NPAT: variants seen among roughly 807,000 people sequenced by gnomAD.
NPAT encodes the protein nuclear protein, coactivator of histone transcription.
A neutral mutation model predicts 130.7 loss-of-function variants in NPAT; 52 were observed. The ratio of observed to expected loss-of-function variants is 0.40; its 90% CI spans 0.32 to 0.50. The LOEUF (loss-of-function observed/expected upper bound fraction) is 0.50. Among genes scored for constraint, NPAT ranks in the 20% least tolerant of loss-of-function variants. The pLI is 0.68. For synonymous variants in NPAT, 580 were observed against 584.8 expected, an observed-to-expected ratio of 0.99 and a Z score of 0.12; for missense variants, 1,687 against 1,662.6, an observed-to-expected ratio of 1.01 and a Z score of -0.26.
At position 108,173,303 on chromosome 11, in the gene NPAT, T is replaced by A; in HGVS notation, c.1681A>T (p.Lys561Ter). The part of the protein sequence containing the change: ...CENSNDTVKL[K>*]INFHGSKSSD... ...GACTTGGAACCATGAAAATTAATTT[T>A]AAGTTTTACTGTATCATTAGAATTT... The change falls in exon 13 of 18, where the codon AAA becomes TAA. Residue 561 changes from lysine to a stop codon, truncating the protein, a stop_gained. Transcript: ENST00000278612. LOFTEE classifies it high-confidence loss of function. 1 of 1,611,780 alleles carries A rather than the reference T, an allele frequency of 6.2e-7. No homozygotes were observed. Among genetic ancestry groups the A allele is most frequent in the Non-Finnish European group, 8.5e-7 (1 of 1,178,462 alleles).
At chr11:108,189,392 A>G (rs2078141473) in intron 5 of NPAT, 62 bp from the exon 6 acceptor site, 2 of 1,411,364 alleles carry the variant, frequency 1.4e-6, no homozygotes, top group Non-Finnish European at 2.0e-6. Flanking sequence ...AATTGTAAGA[A>G]GTCAATATGA....
chr11:108,162,668 G>C (rs1012413844), intron 15 of NPAT, among the ~76,000 whole-genome samples: 6 of 152,220 alleles, frequency 3.9e-5, no homozygotes, highest in African/African-American at 1.4e-4. Context: ...CTGGCCTCAA[G>C]TGATCTGCCC....
chr11:108,200,375 A>G (rs2078263860), intron 1 of NPAT, among the ~76,000 whole-genome samples: 1 of 152,126 alleles, frequency 6.6e-6, no homozygotes, highest in South Asian at 2.1e-4. Context: ...TTGTTTACCC[A>G]TGCCTTTTAA....
chr11:108,158,963 T>A lies in NPAT; in HGVS notation c.4263A>T (p.Leu1421Phe). 1 of 1,605,600 alleles carries A rather than the reference T, an allele frequency of 6.2e-7. No homozygotes were observed. Among genetic ancestry groups the A allele is most frequent in the South Asian group, 1.1e-5 (1 of 90,952 alleles). Residue 1421 changes from leucine (L) to phenylalanine (F), a missense_variant, in exon 18 of 18, where the codon TTA becomes TTT. Around this residue, in one of 3 missense-constraint regions of NPAT, gnomAD observed 1,379 missense variants for 1,346.6 expected, o/e 1.02. Transcript: ENST00000278612. Reference protein sequence around the residue: ...PAGMDVDKFLLSLHYDE With the variant: ...PAGMDVDKFLFSLHYDE ...ATGTTTACTCATCATAATGCAATGA[T>A]AACAAAAATTTGTCTACATCCATTC...
chr11:108,181,486 AACTT>A (rs991219277), intron 10 of NPAT, among the ~76,000 whole-genome samples: 10 of 152,286 alleles, frequency 6.6e-5, no homozygotes, highest in Middle Eastern at 3.4e-3. Flanking sequence ...AAACAAAAAA[AACTT>A]ACAGCTATCT....
intron 17 of NPAT, among the ~76,000 whole-genome samples, chr11:108,160,237 C>T (rs1004357756): frequency 6.6e-6 from 1 of 151,938 alleles, no homozygotes; most frequent in South Asian, 2.1e-4. Context: ...GTAGGAGAAT[C>T]ACTTCAGCCT....
intron 15 of NPAT, among the ~76,000 whole-genome samples, chr11:108,168,149 A>G (rs2077917486): frequency 1.3e-5 from 2 of 151,890 alleles, no homozygotes; most frequent in East Asian, 1.9e-4. Flanking sequence ...TCTGGGTCAT[A>G]GAGAAGATAT....
At chr11:108,186,599 A>C in intron 7 of NPAT, 30 bp from the exon 8 acceptor site, 1 of 1,542,404 alleles carries the variant, frequency 6.5e-7, no homozygotes, top group Non-Finnish European at 9.0e-7. Flanking sequence ...CTTTTCTTTT[A>C]ACCACTATAT....
At chr11:108,176,082 C>A (rs1413373437) in intron 12 of NPAT, among the ~76,000 whole-genome samples, 164 bp downstream of exon 12, 2 of 152,172 alleles carry the variant, frequency 1.3e-5, no homozygotes, top group Non-Finnish European at 2.9e-5. Context: ...TTCTTTTAAT[C>A]AAACTACCAA....
chr11:108,173,094 A>T lies in NPAT; in HGVS notation c.1890T>A (p.Ser630=), dbSNP rs1407461974. 6.2e-7 allele frequency: 1 copy of T among 1,614,116 alleles called. No homozygotes were observed. Among genetic ancestry groups the T allele is most frequent in the East Asian group, 2.2e-5 (1 of 44,876 alleles). Residue 630 remains serine (S), a synonymous_variant, in exon 13 of 18, where the codon TCT becomes TCA. Coordinates refer to ENST00000278612, the MANE Select transcript of NPAT (RefSeq NM_002519.3). The stretch of plus-strand genomic sequence containing the variant: ...AATCATTAGATGGTTGTTTAGTAGA[A>T]GACAGCGAATCTCCAAGATGAATTT... ...QVEIHLGDSL[S]STKQPSNDSA...
At chr11:108,169,046 T>C (rs758970447) in intron 15 of NPAT, among the ~76,000 whole-genome samples, 1 of 152,120 alleles carries the variant, frequency 6.6e-6, no homozygotes, top group African/African-American at 2.4e-5. Context: ...CCAGCAGATA[T>C]GAGGTGAACT....
rs199936135 is a variant in NPAT, at chr11:108,162,148, C to T, written c.3043G>A (p.Gly1015Ser). The change falls in exon 16 of 18, where the codon GGT (glycine) becomes AGT (serine). Residue 1015 changes from glycine to serine, a missense_variant. Coordinates refer to ENST00000278612, the MANE Select transcript of NPAT (RefSeq NM_002519.3). ...TGTGCATGACATCCAACTGAATGAC[C>T]TGACGAATCCACCAAATTATTTACT... ...KQVNNLVDSS[G>S]HSVGCHAQKT... 1.0e-3 allele frequency: 1,673 copies of T among 1,613,998 alleles called. No individual in the cohort carries two copies. Among genetic ancestry groups the T allele is most frequent in the Non-Finnish European group, 1.3e-3 (1,551 of 1,179,898 alleles).
chr11:108,216,838 G>C (rs1188915871), intron 1 of NPAT, among the ~76,000 whole-genome samples: 1 of 152,076 alleles, frequency 6.6e-6, no homozygotes, highest in Non-Finnish European at 1.5e-5. Flanking sequence ...CCCAACTTTG[G>C]CAATCTTGAG....
Position 108,161,504 on chromosome 11 carries a change from A to T in NPAT, c.3582T>A (p.Gly1194=). ...AAGCTATAGATTTCTCACTTCGCAA[A>T]CCCCCATTTTGCTGCCCAATAGATA... ...SKLSIGQQNG[G]LRSEKSIASL... Residue 1194 remains glycine (G), a synonymous_variant, in exon 17 of 18, where the codon GGT becomes GGA. Coordinates refer to ENST00000278612, the MANE Select transcript of NPAT (RefSeq NM_002519.3). 2 of 1,613,880 alleles carry T rather than the reference A, an allele frequency of 1.2e-6. No individual in the cohort carries two copies. Among genetic ancestry groups the T allele is most frequent in the Non-Finnish European group, 1.7e-6 (2 of 1,179,956 alleles).
At chr11:108,220,386 T>C (rs886111258) in intron 1 of NPAT, among the ~76,000 whole-genome samples, 4 of 152,166 alleles carry the variant, frequency 2.6e-5, no homozygotes, top group African/African-American at 9.7e-5. Context: ...TTAATGGGTG[T>C]CTAATGTCTA....
chr11:108,189,041 G>A, intron 6 of NPAT, 65 bp downstream of exon 6: 1 of 1,248,810 alleles, frequency 8.0e-7, no homozygotes, highest in South Asian at 1.2e-5. Context: ...AAAGACATTA[G>A]TATATTATCT....
At chr11:108,188,936 A>G (rs1189981000) in intron 6 of NPAT, among the ~76,000 whole-genome samples, 170 bp downstream of exon 6, 1 of 152,240 alleles carries the variant, frequency 6.6e-6, no homozygotes, top group Admixed American at 6.5e-5. Flanking sequence ...AATGCCTTAA[A>G]GATTTTATAT....
intron 1 of NPAT, among the ~76,000 whole-genome samples, chr11:108,202,662 TTG>T (rs1215390485): frequency 1.1e-4 from 17 of 152,318 alleles, no homozygotes; most frequent in Admixed American, 6.5e-4. Context: ...TCACTAATGC[TTG>T]TGAGACTTGC....
intron 11 of NPAT, 106 bp from the exon 12 acceptor site, chr11:108,176,480 G>C (rs1375125540): frequency 1.2e-6 from 1 of 833,026 alleles, no homozygotes; most frequent in Non-Finnish European, 2.0e-6. Flanking sequence ...TCGATTTAGG[G>C]TTTTATGGAT....
Sources: allele counts gnomAD v4.1 joint callset (sites outside exome capture counted in the v4.1 genomes callset), GRCh38; gene constraint gnomAD v4.1.1; regional missense constraint gnomAD v4.1.1; transcripts MANE v1.5; gene names NCBI Gene and HGNC (gene_info 2026-07-23, HGNC 2026-07-21).